SCN2A: variants seen among roughly 807,000 people sequenced by gnomAD.
SCN2A encodes the protein sodium voltage-gated channel alpha subunit 2, also known as sodium channel protein type 2 subunit alpha.
A neutral mutation model predicts 188.7 loss-of-function variants in SCN2A; 20 were observed. The ratio of observed to expected loss-of-function variants is 0.11; its 90% CI spans 0.07 to 0.15. The LOEUF is 0.15. SCN2A is among the 10% of genes least tolerant of loss of function. SCN2A has a pLI of 1.00. For synonymous variants in SCN2A, 804 were observed against 833.1 expected, an observed-to-expected ratio of 0.97 and a Z score of 0.60; for missense variants, 1,278 against 2,445.0, an observed-to-expected ratio of 0.52 and a Z score of 10.07.
chr2:165,343,592 C>A (rs1438639626), intron 15 of SCN2A, among the ~76,000 whole-genome samples: 8 of 152,106 alleles, frequency 5.3e-5, no homozygotes, highest in African/African-American at 1.9e-4. Context: ...TGTATTTACT[C>A]CTTTGGGTCA....
In SCN2A at chr2:165,390,179, T is replaced by C. The variant is rs746529443; in HGVS notation, c.*355T>C. ...ACTTGATAATAGTAATTGTCACCAG[T>C]GTTTATGTTTTAACTGCCACACCTG... On this transcript the variant is annotated 3_prime_UTR_variant, in exon 27 of 27. Coordinates refer to ENST00000375437, the MANE Select transcript of SCN2A (RefSeq NM_001040142.2). The C allele has an allele frequency of 3.1e-4, 68 of 219,988 alleles. No homozygotes were observed. Among genetic ancestry groups the C allele is most frequent in the Admixed American group, 5.2e-4 (10 of 19,210 alleles). The allele number at this position is 219,988 out of a possible 1,614,324, so 13.6% of individuals were successfully genotyped here.
chr2:165,313,302 T>A (rs1697543920), intron 8 of SCN2A, among the ~76,000 whole-genome samples: 1 of 152,140 alleles, frequency 6.6e-6, no homozygotes, highest in Middle Eastern at 3.2e-3. Context: ...GAAAATCAAC[T>A]TTTTCCTTAC....
intron 16 of SCN2A, among the ~76,000 whole-genome samples, chr2:165,345,789 G>T (rs1412099062): frequency 6.6e-6 from 1 of 152,140 alleles, no homozygotes; most frequent in Non-Finnish European, 1.5e-5. Context: ...AGCTGCTGCG[G>T]TTTTTTCATA....
intron 1 of SCN2A, among the ~76,000 whole-genome samples, chr2:165,280,055 A>G (rs943839966): frequency 1.3e-5 from 2 of 152,146 alleles, no homozygotes; most frequent in African/African-American, 4.8e-5. Flanking sequence ...GTGGAACTGT[A>G]AGTCCACTAA....
In SCN2A at chr2:165,389,805, T is replaced by C. The variant is rs1433941543; in HGVS notation, c.5999T>C (p.Ile2000Thr). The C allele has an allele frequency of 1.9e-6, 3 of 1,610,684 alleles. No homozygotes were observed. The African/African-American group carries it at 4.0e-5, about 22-fold the overall frequency. Residue 2000 changes from isoleucine to threonine, a missense_variant, in exon 27 of 27, where the codon ATC (isoleucine) becomes ACC (threonine). Around this residue, in one of 17 missense-constraint regions of SCN2A, gnomAD observed 109 missense variants for 137.9 expected, o/e 0.79. Coordinates refer to ENST00000375437, the MANE Select transcript of SCN2A (RefSeq NM_001040142.2). The surrounding 1 kb of genome is among the most constrained non-coding windows in gnomAD (Gnocchi z 4.2). ...KSEKEDKGKD[I>T]RESKK ...GAAAAGGAAGACAAAGGGAAAGATA[T>C]CAGGGAAAGTAAAAAGTAAAAAGAA... is the stretch of plus-strand genomic sequence containing the variant.
intron 19 of SCN2A, among the ~76,000 whole-genome samples, chr2:165,368,513 A>T (rs1700851365): frequency 6.6e-6 from 1 of 152,186 alleles, no homozygotes; most frequent in African/African-American, 2.4e-5. Flanking sequence ...AAAATTGCTT[A>T]ACATAAACTC....
intron 1 of SCN2A, among the ~76,000 whole-genome samples, chr2:165,259,931 A>ATTTTTTTTT (rs140137535): frequency 1.1e-4 from 10 of 89,496 alleles, no homozygotes; most frequent in South Asian, 4.0e-4. Context: ...CTAAAAATGG[A>ATTTTTTTTT]TTTTTTTTTT....
intron 25 of SCN2A, among the ~76,000 whole-genome samples, chr2:165,384,224 T>C (rs999658089): frequency 1.3e-5 from 2 of 152,102 alleles, no homozygotes; most frequent in African/African-American, 4.8e-5. Flanking sequence ...TTAAATTTAA[T>C]GTTCTAAAAA....
rs140965692 is a variant in SCN2A, at chr2:165,351,917, T to C, written c.2920-2275T>C. 4.4e-3 allele frequency among the ~76,000 whole-genome samples: 668 copies of C among 151,540 alleles called. 3 individuals carry two copies. The highest frequency in any genetic ancestry group is 0.015 in the African/African-American group (637 of 41,314). Reference sequence around the variant, plus strand: ...AATCCAATATAATGTGATAGGGATGTGGATGAGAAATTTAACAGGACAGAA... The same window carrying C: ...AATCCAATATAATGTGATAGGGATGCGGATGAGAAATTTAACAGGACAGAA... On this transcript the variant is annotated intron_variant, in intron 16 of 26. Transcript: ENST00000375437.
intron 15 of SCN2A, 61 bp from the exon 16 acceptor site, chr2:165,344,494 T>C: frequency 9.3e-7 from 1 of 1,077,830 alleles, no homozygotes; most frequent in Admixed American, 3.3e-5. Flanking sequence ...AAAAATAAAA[T>C]AAAATTGCAG....
rs187720805 is a variant in SCN2A at position 165,363,309 on chromosome 2, C to G, written c.3400-1834C>G. Among the ~76,000 whole-genome samples the G allele has an allele frequency of 2.6e-3, 391 of 152,160 alleles. 1 individual carries two copies. The highest frequency in any genetic ancestry group is 4.7e-3 in the Admixed American group (72 of 15,278). On this transcript the variant is annotated intron_variant, in intron 17 of 26. Coordinates refer to ENST00000375437, the MANE Select transcript of SCN2A (RefSeq NM_001040142.2). ...ACCCTGAATATGGATCCTCATTTTT[C>G]CCTTGGGGTCACCCGAAGTCTTACC...
intron 21 of SCN2A, 92 bp downstream of exon 21, chr2:165,373,439 G>C: frequency 6.9e-7 from 1 of 1,444,782 alleles, no homozygotes; most frequent in Non-Finnish European, 9.7e-7. Context: ...TGGAGAATTT[G>C]TGTCTTACAC....
chr2:165,279,224 G>T (rs1470806362), intron 1 of SCN2A, among the ~76,000 whole-genome samples: 2 of 152,186 alleles, frequency 1.3e-5, no homozygotes, highest in Admixed American at 1.3e-4. Flanking sequence ...GGGGGAGTTA[G>T]CTTCCATCTC....
intron 1 of SCN2A, among the ~76,000 whole-genome samples, chr2:165,263,589 T>C (rs186729858): frequency 5.3e-4 from 80 of 152,246 alleles, no homozygotes; most frequent in Non-Finnish European, 1.1e-3. Flanking sequence ...ATGCTGACTT[T>C]TATGCCAGTA....
intron 3 of SCN2A, among the ~76,000 whole-genome samples, chr2:165,300,682 G>C (rs1696761889): frequency 6.6e-6 from 1 of 152,170 alleles, no homozygotes; most frequent in Non-Finnish European, 1.5e-5. Context: ...TGAGTGGCTG[G>C]AGCAGAGTGG....
rs1697266028 is a variant in SCN2A, at chr2:165,308,663, C to T, written c.477-3C>T. ...TAATGTGAGCTTGGCTATTTTCTCTCAGGTATACCTTTACAGGAATTTATA... is the reference window on the plus strand; with the variant it reads ...TAATGTGAGCTTGGCTATTTTCTCTTAGGTATACCTTTACAGGAATTTATA... On this transcript the variant is annotated splice_region_variant and splice_polypyrimidine_tract_variant and intron_variant, in intron 4 of 26. Transcript: ENST00000375437. 2 of 1,610,938 alleles carry T rather than the reference C, an allele frequency of 1.2e-6. No homozygotes were observed. The highest frequency in any genetic ancestry group is 1.7e-6 in the Non-Finnish European group (2 of 1,177,724).
chr2:165,300,543 T>G (rs1045277218), intron 3 of SCN2A, among the ~76,000 whole-genome samples: 7 of 151,948 alleles, frequency 4.6e-5, no homozygotes, highest in African/African-American at 1.7e-4. Context: ...TGAGCAGAGA[T>G]CCGAAGGAAG....
chr2:165,332,844 C>A (rs1448127623), intron 14 of SCN2A, among the ~76,000 whole-genome samples: 1 of 152,012 alleles, frequency 6.6e-6, no homozygotes, highest in Non-Finnish European at 1.5e-5. Flanking sequence ...GTTCTAGGTT[C>A]TAACCTGGCT....
Position 165,344,735 on chromosome 2 carries a change from T to A in SCN2A, c.2743T>A (p.Ser915Thr). ...KSYKECVCKI[S>T]NDCELPRWHM... is the part of the protein sequence containing the mutation. ...CTACAAAGAATGTGTCTGCAAGATTTCCAATGATTGTGAACTCCCACGCTG... is the reference window on the plus strand; with the variant it reads ...CTACAAAGAATGTGTCTGCAAGATTACCAATGATTGTGAACTCCCACGCTG... The change falls in exon 16 of 27, where the codon TCC becomes ACC. Residue 915 changes from serine (S) to threonine (T), a missense_variant. By Grantham distance (58) the Ser-to-Thr change is moderately conservative. This residue lies in a region of SCN2A where 83 missense variants were observed against 256.8 expected (regional missense o/e 0.32). Transcript: ENST00000375437. 1 of 1,614,150 alleles carries A rather than the reference T, an allele frequency of 6.2e-7. No homozygotes were observed. The highest frequency in any genetic ancestry group is 8.5e-7 in the Non-Finnish European group (1 of 1,180,024).
Sources: allele counts gnomAD v4.1 joint callset (sites outside exome capture counted in the v4.1 genomes callset), GRCh38; gene constraint gnomAD v4.1.1; regional missense constraint gnomAD v4.1.1; non-coding constraint Gnocchi (gnomAD v3.1); transcripts MANE v1.5; gene names NCBI Gene and HGNC (gene_info 2026-07-23, HGNC 2026-07-21).